KCNJ3: variants seen among roughly 807,000 people sequenced by gnomAD.
KCNJ3 encodes potassium inwardly rectifying channel subfamily J member 3.
In KCNJ3, 4 loss-of-function variants were observed where a neutral mutation model predicts 39.2. That is an observed-to-expected ratio of 0.10 (90% CI 0.05 to 0.23). KCNJ3 has a LOEUF of 0.23. Among genes scored for constraint, KCNJ3 ranks in the 10% least tolerant of loss-of-function variants. KCNJ3 has a pLI of 1.00. For synonymous variants in KCNJ3, 230 were observed against 237.4 expected, an observed-to-expected ratio of 0.97 and a Z score of 0.29; for missense variants, 276 against 634.9, an observed-to-expected ratio of 0.43 and a Z score of 6.08.
At chr2:154,791,602 T>G (rs755575280) in intron 2 of KCNJ3, among the ~76,000 whole-genome samples, 2 of 151,954 alleles carry the variant, frequency 1.3e-5, no homozygotes. Flanking sequence ...TAAGATCCCA[T>G]GACTGTGAAC....
At chr2:154,767,410 C>T (rs1686154492) in intron 2 of KCNJ3, among the ~76,000 whole-genome samples, 1 of 151,986 alleles carries the variant, frequency 6.6e-6, no homozygotes. Flanking sequence ...TGTTCAATTC[C>T]CAACTATGAG....
At chr2:154,842,769 T>C (rs920111552) in intron 2 of KCNJ3, among the ~76,000 whole-genome samples, 1 of 151,602 alleles carries the variant, frequency 6.6e-6, no homozygotes, top group Non-Finnish European at 1.5e-5. Flanking sequence ...CAACACCTGC[T>C]TTTTTTTTCT....
chr2:154,823,668 T>C (rs1687221142), intron 2 of KCNJ3, among the ~76,000 whole-genome samples: 2 of 152,204 alleles, frequency 1.3e-5, no homozygotes, highest in South Asian at 4.1e-4. Context: ...ACTCACTTCA[T>C]ATATTGCCTC....
chr2:154,789,065 T>G (rs536281533), intron 2 of KCNJ3, among the ~76,000 whole-genome samples: 1 of 152,216 alleles, frequency 6.6e-6, no homozygotes, highest in East Asian at 1.9e-4. Context: ...TTTTTTGATA[T>G]TATAGATTGT....
chr2:154,837,608 TTCTC>T (rs2105126258), intron 2 of KCNJ3, among the ~76,000 whole-genome samples: 1 of 152,306 alleles, frequency 6.6e-6, no homozygotes, highest in East Asian at 1.9e-4. Context: ...TTCTTCCTCT[TTCTC>T]CATTCCTTCT....
chr2:154,703,572 A>G (rs558011215), intron 1 of KCNJ3, among the ~76,000 whole-genome samples: 1 of 151,880 alleles, frequency 6.6e-6, no homozygotes, highest in Non-Finnish European at 1.5e-5. Context: ...CCATATGACT[A>G]TTATCAAGTG....
chr2:154,707,606 A>G (rs1488773978), intron 1 of KCNJ3, among the ~76,000 whole-genome samples: 1 of 152,120 alleles, frequency 6.6e-6, no homozygotes, highest in Non-Finnish European at 1.5e-5. Context: ...ACTTGGGAAA[A>G]TATATCTTCT....
chr2:154,698,914 G>T lies in KCNJ3; in HGVS notation c.139G>T (p.Val47Leu). The change falls in exon 1 of 3, where the codon GTG becomes TTG. Residue 47 changes from valine (V) to leucine (L), a missense_variant. Around this residue, in one of 4 missense-constraint regions of KCNJ3, gnomAD observed 46 missense variants for 206.6 expected, o/e 0.22. Transcript: ENST00000295101. ...LVPKKKRQRF[V>L]DKNGRCNVQH... ...GCCCAAGAAGAAGCGGCAGCGGTTC[G>T]TGGACAAGAACGGCCGGTGCAATGT... 6.2e-7 allele frequency: 1 copy of T among 1,614,180 alleles called. No individual in the cohort carries two copies. Among genetic ancestry groups the T allele is most frequent in the Non-Finnish European group, 8.5e-7 (1 of 1,180,040 alleles).
intron 2 of KCNJ3, among the ~76,000 whole-genome samples, chr2:154,751,822 A>G (rs1035666730): frequency 2.6e-5 from 4 of 151,942 alleles, no homozygotes; most frequent in African/African-American, 9.7e-5. Flanking sequence ...ACTCTTCTCC[A>G]AGTGTCTTCA....
At chr2:154,753,949 A>G (rs1471918946) in intron 2 of KCNJ3, among the ~76,000 whole-genome samples, 1 of 152,208 alleles carries the variant, frequency 6.6e-6, no homozygotes, top group Non-Finnish European at 1.5e-5. Context: ...TCAGAACCAT[A>G]GTACAATTAT....
At chr2:154,739,926 G>A (rs6711727) in intron 2 of KCNJ3, among the ~76,000 whole-genome samples, 87,179 of 151,852 alleles carry the variant, frequency 0.57, 26,433 homozygotes, top group African/African-American at 0.78. Flanking sequence ...TGTATCCTGT[G>A]GGGACATATA....
chr2:154,716,353 C>T (rs1396137364), intron 2 of KCNJ3, among the ~76,000 whole-genome samples: 1 of 148,742 alleles, frequency 6.7e-6, no homozygotes, highest in African/African-American at 2.5e-5. Context: ...TCTTGATCTC[C>T]TGACCTCATG....
chr2:154,749,739 A>G (rs1194245995), intron 2 of KCNJ3, among the ~76,000 whole-genome samples: 2 of 151,936 alleles, frequency 1.3e-5, no homozygotes, highest in Non-Finnish European at 2.9e-5. Flanking sequence ...GAGTGCATAT[A>G]TGTAAATTTT....
At chr2:154,714,197 A>C (rs1303740119) in intron 2 of KCNJ3, among the ~76,000 whole-genome samples, 1 of 152,146 alleles carries the variant, frequency 6.6e-6, no homozygotes, top group East Asian at 1.9e-4. Flanking sequence ...TGACACCTAA[A>C]TTCCCATTGA....
intron 2 of KCNJ3, among the ~76,000 whole-genome samples, chr2:154,832,074 G>A (rs1456893948): frequency 6.6e-6 from 1 of 152,070 alleles, no homozygotes; most frequent in African/African-American, 2.4e-5. Context: ...AGAATTAACA[G>A]AGTGAGAACT....
intron 2 of KCNJ3, among the ~76,000 whole-genome samples, chr2:154,778,966 G>A (rs1334426908): frequency 6.6e-6 from 1 of 152,088 alleles, no homozygotes; most frequent in Non-Finnish European, 1.5e-5. Context: ...ATGTGAAATA[G>A]AGATAATAAT....
intron 1 of KCNJ3, among the ~76,000 whole-genome samples, chr2:154,707,048 A>G (rs936490008): frequency 1.3e-5 from 2 of 152,178 alleles, no homozygotes; most frequent in African/African-American, 4.8e-5. Flanking sequence ...GGACAATAAA[A>G]TTGTGAATAT....
At chr2:154,715,291 C>T (rs1438953555) in intron 2 of KCNJ3, among the ~76,000 whole-genome samples, 1 of 152,146 alleles carries the variant, frequency 6.6e-6, no homozygotes, top group East Asian at 1.9e-4. Flanking sequence ...ATGATATACT[C>T]GTACTCAAAG....
At chr2:154,727,794 G>A (rs559267992) in intron 2 of KCNJ3, among the ~76,000 whole-genome samples, 1 of 151,618 alleles carries the variant, frequency 6.6e-6, no homozygotes, top group Non-Finnish European at 1.5e-5. Flanking sequence ...TAATACCTGC[G>A]AGGTCAGCTG....
Sources: gnomAD v4.1 joint callset for allele counts (sites outside exome capture counted in the v4.1 genomes callset) on GRCh38, gnomAD v4.1.1 for gene constraint, gnomAD v4.1.1 regional missense constraint, MANE v1.5 for transcripts, NCBI Gene and HGNC (gene_info 2026-07-23, HGNC 2026-07-21) for gene names.